The following POU2F3 variants were observed in gnomAD, a reference collection of about 807,000 sequenced individuals.
The protein encoded by POU2F3 is POU class 2 homeobox 3, also known as POU domain, class 2, transcription factor 3.
In POU2F3, 23 loss-of-function variants were observed where a neutral mutation model predicts 59.2. The ratio of observed to expected loss-of-function variants is 0.39; its 90% confidence interval spans 0.28 to 0.55. The LOEUF (loss-of-function observed/expected upper bound fraction) is 0.55, where lower values mean the gene tolerates loss of function less well. POU2F3 is among the 20% of genes least tolerant of loss of function. The pLI is 0.66. For synonymous variants in POU2F3, 190 were observed against 214.6 expected, an observed-to-expected ratio of 0.89 and a Z score of 1.00; for missense variants, 473 against 544.5, an observed-to-expected ratio of 0.87 and a Z score of 1.31.
chr11:120,291,803 T>G (rs888635624), intron 3 of POU2F3, among the ~76,000 whole-genome samples: 1 of 135,056 alleles, frequency 7.4e-6, no homozygotes, highest in Admixed American at 8.5e-5. Context: ...ATAAATTTCT[T>G]TTCTTTTTTC....
chr11:120,240,692 G>A (rs973947926), intron 1 of POU2F3, among the ~76,000 whole-genome samples: 12 of 152,192 alleles, frequency 7.9e-5, no homozygotes, highest in Non-Finnish European at 1.6e-4. Context: ...AGGTTGCAGG[G>A]ATGGGTGGTT....
At chr11:120,281,209 G>A (rs1269206790) in intron 3 of POU2F3, among the ~76,000 whole-genome samples, 2 of 151,952 alleles carry the variant, frequency 1.3e-5, no homozygotes, top group African/African-American at 4.8e-5. Flanking sequence ...CCTGATACCA[G>A]GTCACAGCGA....
upstream of POU2F3, among the ~76,000 whole-genome samples, chr11:120,239,820 A>C (rs1938589488): frequency 6.6e-6 from 1 of 152,154 alleles, no homozygotes; most frequent in Non-Finnish European, 1.5e-5. Flanking sequence ...AACTCCTTGC[A>C]GCGCTTACAC....
chr11:120,287,969 A>C (rs577618000), intron 3 of POU2F3, among the ~76,000 whole-genome samples: 3 of 152,074 alleles, frequency 2.0e-5, no homozygotes, highest in Admixed American at 6.6e-5. Flanking sequence ...TAGCAGATAA[A>C]AGTGCAAATT....
chr11:120,266,211 A>G (rs982415944), intron 2 of POU2F3, among the ~76,000 whole-genome samples: 1 of 152,050 alleles, frequency 6.6e-6, no homozygotes, highest in Non-Finnish European at 1.5e-5. Context: ...CCCAGACCCT[A>G]GGAATCATCC....
intron 9 of POU2F3, among the ~76,000 whole-genome samples, chr11:120,308,894 G>A (rs561113282): frequency 6.5e-5 from 8 of 123,848 alleles, no homozygotes; most frequent in Admixed American, 3.2e-4. Context: ...AGCGGAGATC[G>A]CGCCACTGCA....
intron 12 of POU2F3, among the ~76,000 whole-genome samples, chr11:120,317,598 G>A (rs1941822364): frequency 1.3e-5 from 2 of 152,338 alleles, no homozygotes; most frequent in South Asian, 4.1e-4. Flanking sequence ...TGTCAACAAA[G>A]TCAAAATTTC....
intron 1 of POU2F3, among the ~76,000 whole-genome samples, chr11:120,245,719 C>A (rs962578877): frequency 6.6e-6 from 1 of 152,156 alleles, no homozygotes; most frequent in African/African-American, 2.4e-5. Context: ...AGAGGCTGGA[C>A]CAGCAGGACT....
At chr11:120,282,872 G>A (rs992514303) in intron 3 of POU2F3, among the ~76,000 whole-genome samples, 3 of 152,202 alleles carry the variant, frequency 2.0e-5, no homozygotes, top group Admixed American at 2.0e-4. Flanking sequence ...GGCCATCACT[G>A]TGGATGGTTT....
At chr11:120,299,530 C>T (rs1334693543) in intron 4 of POU2F3, 94 bp from the exon 5 acceptor site, 10 of 1,103,428 alleles carry the variant, frequency 9.1e-6, no homozygotes, top group Non-Finnish European at 1.3e-5. Flanking sequence ...GTCTCTGAGT[C>T]TGGAGACCCC....
intron 3 of POU2F3, among the ~76,000 whole-genome samples, chr11:120,273,845 A>G (rs1158145249): frequency 5.3e-5 from 8 of 152,018 alleles, no homozygotes; most frequent in Admixed American, 3.9e-4. Flanking sequence ...GCGAAACACC[A>G]TCTCTACTAA....
intron 3 of POU2F3, among the ~76,000 whole-genome samples, chr11:120,287,956 C>A (rs1228059572): frequency 6.6e-6 from 1 of 151,110 alleles, no homozygotes; most frequent in African/African-American, 2.4e-5. Context: ...TTTTTCTAAC[C>A]CTTAGCAGAT....
At chr11:120,274,200 T>G (rs1940227123) in intron 3 of POU2F3, among the ~76,000 whole-genome samples, 1 of 152,000 alleles carries the variant, frequency 6.6e-6, no homozygotes, top group Admixed American at 6.5e-5. Flanking sequence ...CTGTGAATCC[T>G]AGCTCCAGCA....
At chr11:120,246,635 G>T in intron 2 of POU2F3, 118 bp downstream of exon 2, 3 of 1,042,454 alleles carry the variant, frequency 2.9e-6, no homozygotes, top group Non-Finnish European at 1.4e-6. Flanking sequence ...CCCAAAGCTA[G>T]GTCTTAGGAA....
intron 3 of POU2F3, among the ~76,000 whole-genome samples, chr11:120,278,003 G>A (rs1048705420): frequency 1.7e-4 from 26 of 152,154 alleles, no homozygotes; most frequent in African/African-American, 6.3e-4. Context: ...CTGCTCAAAA[G>A]CCACAATCTT....
intron 8 of POU2F3, among the ~76,000 whole-genome samples, chr11:120,306,453 A>G (rs988952443): frequency 6.6e-6 from 1 of 152,150 alleles, no homozygotes; most frequent in African/African-American, 2.4e-5. Flanking sequence ...GGGCCAGGTC[A>G]TTCTTGTTAC....
chr11:120,310,862 C>T (rs1309087037), intron 10 of POU2F3, among the ~76,000 whole-genome samples: 1 of 152,184 alleles, frequency 6.6e-6, no homozygotes, highest in Admixed American at 6.5e-5. Context: ...ACCTCACTGC[C>T]TAGCAGAGGA....
chr11:120,274,055 A>G (rs993993522), intron 3 of POU2F3, among the ~76,000 whole-genome samples: 1 of 151,438 alleles, frequency 6.6e-6, no homozygotes, highest in African/African-American at 2.4e-5. Context: ...AAAGGAAAGA[A>G]AGAAAGAGAG....
chr11:120,301,765 C>A (rs1284748111), intron 5 of POU2F3: 1 of 153,902 alleles, frequency 6.5e-6, no homozygotes, highest in Non-Finnish European at 1.4e-5. Flanking sequence ...TCCTGGTCAG[C>A]CACATGCCTC....
Sources: gnomAD v4.1 joint callset for allele counts (sites outside exome capture counted in the v4.1 genomes callset) on GRCh38, gnomAD v4.1.1 for gene constraint, MANE v1.5 for transcripts, NCBI Gene and HGNC (gene_info 2026-07-23, HGNC 2026-07-21) for gene names.